CHD9: variants seen among roughly 807,000 people sequenced by gnomAD.
The protein encoded by CHD9 is ATP-dependent chromatin remodeler CHD9.
In CHD9, 77 loss-of-function variants were observed where a neutral mutation model predicts 316.1. The observed-to-expected ratio is 0.24, with a 90% CI of 0.20 to 0.29. The LOEUF (loss-of-function observed/expected upper bound fraction) is 0.29, where lower values mean the gene tolerates loss of function less well. Among genes scored for constraint, CHD9 ranks in the 10% least tolerant of loss-of-function variants. The probability of loss-of-function intolerance (pLI) is 1.00; values close to 1 mark genes in which losing one functional copy is unlikely to be tolerated. For synonymous variants in CHD9, 1,129 were observed against 1,158.3 expected, an observed-to-expected ratio of 0.97 and a Z score of 0.51; for missense variants, 2,763 against 3,438.1, an observed-to-expected ratio of 0.80 and a Z score of 4.91.
intron 1 of CHD9, among the ~76,000 whole-genome samples, chr16:53,063,597 A>G (rs866609376): frequency 1.3e-5 from 2 of 151,754 alleles, no homozygotes; most frequent in Admixed American, 6.6e-5. Context: ...CAGTGGCGCA[A>G]TCTTGGCTCA....
chr16:53,097,580 T>G (rs2036492247), intron 1 of CHD9, among the ~76,000 whole-genome samples: 1 of 152,180 alleles, frequency 6.6e-6, no homozygotes, highest in South Asian at 2.1e-4. Context: ...TGTCTATTAT[T>G]GACCCACAAG....
intron 19 of CHD9, among the ~76,000 whole-genome samples, chr16:53,257,586 A>G (rs1260422906): frequency 1.3e-5 from 2 of 152,142 alleles, no homozygotes; most frequent in Non-Finnish European, 2.9e-5. Context: ...TTTTTGCTTA[A>G]GTAGCTAGGA....
chr16:53,103,006 T>C (rs9989365), intron 1 of CHD9, among the ~76,000 whole-genome samples: 102,660 of 151,364 alleles, frequency 0.68, 35,280 homozygotes, highest in East Asian at 0.82. Flanking sequence ...CCACCACCCC[T>C]GGCTAATTTT....
chr16:53,068,478 A>C (rs2033724689), intron 1 of CHD9, among the ~76,000 whole-genome samples: 1 of 152,076 alleles, frequency 6.6e-6, no homozygotes, highest in Non-Finnish European at 1.5e-5. Flanking sequence ...GGCCCGCTAA[A>C]GTGCCCTCTA....
intron 1 of CHD9, among the ~76,000 whole-genome samples, chr16:53,092,969 G>T (rs2036077857): frequency 6.6e-6 from 1 of 152,124 alleles, no homozygotes; most frequent in Non-Finnish European, 1.5e-5. Flanking sequence ...TGTAAAAATG[G>T]GGTCTCACTA....
intron 24 of CHD9, among the ~76,000 whole-genome samples, chr16:53,283,763 T>TA (rs1246606479): frequency 6.6e-6 from 1 of 152,164 alleles, no homozygotes; most frequent in African/African-American, 2.4e-5. Flanking sequence ...TAAACTGAGC[T>TA]AAAAAATGTC....
chr16:53,247,337 C>G lies in CHD9; in HGVS notation c.3499C>G (p.Pro1167Ala). Residue 1167 changes from proline (P) to alanine (A), a missense_variant, in exon 16 of 39, where the codon CCA becomes GCA. Pro to Ala is a conservative substitution (Grantham distance 27). Transcript: ENST00000447540. ...TGGAGAATTTAGAGATACTTACAATCCAGCTGCTTCTGATTTTCATCTTCA... is the reference window on the plus strand; with the variant it reads ...TGGAGAATTTAGAGATACTTACAATGCAGCTGCTTCTGATTTTCATCTTCA... ...ILGEFRDTYNPAASDFHLQAM... is the reference protein window; with the variant it reads ...ILGEFRDTYNAAASDFHLQAM... 3 of 1,605,616 alleles carry G rather than the reference C, an allele frequency of 1.9e-6. No individual in the cohort carries two copies. Among genetic ancestry groups the G allele is most frequent in the Non-Finnish European group, 2.6e-6 (3 of 1,175,456 alleles).
intron 22 of CHD9, among the ~76,000 whole-genome samples, chr16:53,272,538 G>C (rs1329855160): frequency 6.6e-6 from 1 of 151,994 alleles, no homozygotes; most frequent in Non-Finnish European, 1.5e-5. Flanking sequence ...AAGCAAAACA[G>C]CTCAAATTCA....
At chr16:53,180,734 G>A (rs1193032970) in intron 2 of CHD9, among the ~76,000 whole-genome samples, 3 of 151,326 alleles carry the variant, frequency 2.0e-5, no homozygotes, top group Non-Finnish European at 2.9e-5. Flanking sequence ...GTGCAGTGGC[G>A]CGATCTCGGC....
intron 2 of CHD9, chr16:53,208,504 G>A: frequency 8.8e-7 from 1 of 1,132,706 alleles, no homozygotes; most frequent in South Asian, 1.9e-5. Context: ...TTGGTTATTT[G>A]TTATAGCCTG....
At chr16:53,192,080 A>AG (rs1567452128) in intron 2 of CHD9, among the ~76,000 whole-genome samples, 3 of 151,978 alleles carry the variant, frequency 2.0e-5, no homozygotes, top group African/African-American at 4.8e-5. Context: ...AAAAAAAAAA[A>AG]AAACAGTCAA....
intron 1 of CHD9, among the ~76,000 whole-genome samples, chr16:53,154,943 A>T (rs533761877): frequency 1.1e-4 from 16 of 152,032 alleles, no homozygotes; most frequent in Middle Eastern, 3.4e-3. Context: ...TCTCAAAAAA[A>T]TTTTTTTTCC....
intron 3 of CHD9, among the ~76,000 whole-genome samples, chr16:53,211,365 A>G (rs1020880313): frequency 2.0e-5 from 3 of 152,172 alleles, no homozygotes; most frequent in Admixed American, 6.5e-5. Context: ...GGGAGTAGTA[A>G]CACTGAAGCG....
rs1166233303 is a variant in CHD9, at chr16:53,267,910, A to G, written c.4518-17A>G. ...AACTTGACTCAATATCAATGTAACTATACCTTTTTTAACCAGGTGGGGCCG... is the reference window on the plus strand; with the variant it reads ...AACTTGACTCAATATCAATGTAACTGTACCTTTTTTAACCAGGTGGGGCCG... On this transcript the variant is annotated splice_polypyrimidine_tract_variant and intron_variant, in intron 21 of 38. Transcript: ENST00000447540. 1.9e-6 allele frequency: 3 copies of G among 1,608,376 alleles called. No homozygotes were observed. Among genetic ancestry groups the G allele is most frequent in the East Asian group, 2.2e-5 (1 of 44,826 alleles).
chr16:53,178,967 C>G (rs1375401681), intron 2 of CHD9, among the ~76,000 whole-genome samples: 1 of 151,988 alleles, frequency 6.6e-6, no homozygotes, highest in Non-Finnish European at 1.5e-5. Flanking sequence ...TGCTATGATC[C>G]TGCTTATGAA....
At chr16:53,092,764 T>G (rs1278741564) in intron 1 of CHD9, among the ~76,000 whole-genome samples, 1 of 151,756 alleles carries the variant, frequency 6.6e-6, no homozygotes, top group Non-Finnish European at 1.5e-5. Flanking sequence ...ACCTGCACCT[T>G]TATTATTATT....
At chr16:53,301,476 A>G (rs1236449068) in intron 30 of CHD9, among the ~76,000 whole-genome samples, 1 of 152,200 alleles carries the variant, frequency 6.6e-6, no homozygotes, top group African/African-American at 2.4e-5. Flanking sequence ...CAATCCAGTA[A>G]TTATTTAAAA....
intron 24 of CHD9, among the ~76,000 whole-genome samples, chr16:53,275,771 G>A (rs187246782): frequency 7.4e-4 from 113 of 152,128 alleles, no homozygotes; most frequent in African/African-American, 1.8e-3. Flanking sequence ...TAATTTTTCT[G>A]TACTCAGTCT....
chr16:53,131,346 TG>T (rs939738378), intron 1 of CHD9: 6 of 8,456 alleles, frequency 7.1e-4, no homozygotes, highest in Admixed American at 6.6e-3. Context: ...GCTCGGCCGG[TG>T]GGGGGAGGGG....
Sources: allele counts gnomAD v4.1 joint callset (sites outside exome capture counted in the v4.1 genomes callset), GRCh38; gene constraint gnomAD v4.1.1; transcripts MANE v1.5; gene names NCBI Gene and HGNC (gene_info 2026-07-23, HGNC 2026-07-21).